The following PIEZO2 variants were observed in gnomAD, a reference collection of about 807,000 sequenced individuals.
PIEZO2 encodes the protein piezo-type mechanosensitive ion channel component 2.
Under a neutral mutation model 337.3 loss-of-function variants are expected in PIEZO2, and 172 were observed. The ratio of observed to expected loss-of-function variants is 0.51; its 90% CI spans 0.45 to 0.58. PIEZO2 has a LOEUF of 0.58. PIEZO2 is among the 20% of genes least tolerant of loss of function. The probability of loss-of-function intolerance (pLI) is 0.00; values close to 1 mark genes in which losing one functional copy is unlikely to be tolerated. For synonymous variants in PIEZO2, 1,251 were observed against 1,228.5 expected (o/e 1.02, Z -0.38); for missense variants, 3,028 against 3,391.3 (o/e 0.89, Z 2.66).
rs1390059894 is a variant in PIEZO2, at chr18:11,109,442, G to A, written c.64+39083C>T. Among the ~76,000 whole-genome samples, 1 of 152,172 alleles carries A rather than the reference G, an allele frequency of 6.6e-6. No individual in the cohort carries two copies. Among genetic ancestry groups the A allele is most frequent in the Non-Finnish European group, 1.5e-5 (1 of 68,040 alleles). The stretch of plus-strand genomic sequence containing the variant: ...GTATGGAATTAGAAATAGGCCAGGC[G>A]CGGTGGCTCATGTCTGTAATCCCAG... On this transcript the variant is annotated intron_variant, in intron 1 of 55. Coordinates refer to ENST00000674853, the MANE Select transcript of PIEZO2 (RefSeq NM_001378183.1). This position sits in a 1 kb window ranked among gnomAD's most constrained non-coding sequence, Gnocchi z 5.1.
chr18:10,889,346 T>A (rs1000853009), intron 4 of PIEZO2, among the ~76,000 whole-genome samples: 4 of 152,260 alleles, frequency 2.6e-5, no homozygotes, highest in African/African-American at 9.6e-5. Flanking sequence ...AGTGTTCTTG[T>A]TAAGCTACCT....
chr18:10,776,432 T>C (rs1219495549), intron 18 of PIEZO2, among the ~76,000 whole-genome samples: 1 of 152,226 alleles, frequency 6.6e-6, no homozygotes, highest in Non-Finnish European at 1.5e-5. Flanking sequence ...AAATTCATTG[T>C]AAAGAAAAAG....
At chr18:11,024,200 C>G (rs9961099) in intron 2 of PIEZO2, among the ~76,000 whole-genome samples, 1 of 152,016 alleles carries the variant, frequency 6.6e-6, no homozygotes, top group South Asian at 2.1e-4. Context: ...CCTCTCACTA[C>G]GATAGTGCAA....
chr18:10,718,520 A>G (rs1039401905), intron 36 of PIEZO2, among the ~76,000 whole-genome samples: 1 of 152,226 alleles, frequency 6.6e-6, no homozygotes, highest in Admixed American at 6.5e-5. Context: ...ACTGTTGCCA[A>G]ATGGCCTGTG....
intron 7 of PIEZO2, among the ~76,000 whole-genome samples, chr18:10,822,342 T>C (rs2040543043): frequency 6.8e-6 from 1 of 146,784 alleles, no homozygotes; most frequent in Non-Finnish European, 1.5e-5. Flanking sequence ...AATAAATAGC[T>C]GAAACTTTTC....
chr18:10,972,012 G>T (rs1388844307), intron 3 of PIEZO2, among the ~76,000 whole-genome samples: 1 of 152,024 alleles, frequency 6.6e-6, no homozygotes, highest in Non-Finnish European at 1.5e-5. Context: ...AACAATGGCA[G>T]CTGGGTGCGG....
At chr18:10,826,464 C>T (rs1203431829) in intron 7 of PIEZO2, among the ~76,000 whole-genome samples, 1 of 152,176 alleles carries the variant, frequency 6.6e-6, no homozygotes, top group Non-Finnish European at 1.5e-5. Flanking sequence ...TTTAATCACT[C>T]TATACATGTA....
rs2038704091 is a variant in PIEZO2 at position 11,080,619 on chromosome 18, G to A, written c.65-14397C>T. 6.6e-6 allele frequency among the ~76,000 whole-genome samples: 1 copy of A among 152,256 alleles called. No homozygotes were observed. Among genetic ancestry groups the A allele is most frequent in the Admixed American group, 6.5e-5 (1 of 15,292 alleles). On this transcript the variant is annotated intron_variant, in intron 1 of 55. Coordinates refer to ENST00000674853, the MANE Select transcript of PIEZO2 (RefSeq NM_001378183.1). The surrounding 1 kb of genome is among the most constrained non-coding windows in gnomAD (Gnocchi z 5.4). ...CCAGCACTTTGGGAGACCGAGGCGG[G>A]CAGATCATGAGGTCAGGAGATCAAG...
chr18:10,742,500 C>T lies in PIEZO2; in HGVS notation c.4630G>A (p.Asp1544Asn), dbSNP rs1362968045. The T allele has an allele frequency of 1.3e-6, 2 of 1,537,050 alleles. No individual in the cohort carries two copies. Among genetic ancestry groups the T allele is most frequent in the African/African-American group, 1.4e-5 (1 of 73,032 alleles). Residue 1544 changes from aspartate to asparagine, a missense_variant, in exon 32 of 56, where the codon GAT becomes AAT. Asp to Asn is a conservative substitution (Grantham distance 23). This residue lies in a region of PIEZO2 where 1,925 missense variants were observed against 2,051.9 expected (regional missense o/e 0.94). Coordinates refer to ENST00000674853, the MANE Select transcript of PIEZO2 (RefSeq NM_001378183.1). ...GGAAAATGTCTTGACATACTTTCAT[C>T]ATCCTCTTCAGAGAGTTTTTGCATG... The part of the protein sequence containing the change: ...QDMQKLSEED[D>N]EREADKQKAK...
At chr18:10,721,282 A>G (rs2036299883) in intron 36 of PIEZO2, among the ~76,000 whole-genome samples, 1 of 152,226 alleles carries the variant, frequency 6.6e-6, no homozygotes, top group African/African-American at 2.4e-5. Context: ...TTACTACAGT[A>G]TACATAAGGC....
At position 10,819,463 on chromosome 18, in the gene PIEZO2, C is replaced by T. The variant is rs2040458386; in HGVS notation, c.918-12189G>A. On this transcript the variant is annotated intron_variant, in intron 7 of 55. Coordinates refer to ENST00000674853, the MANE Select transcript of PIEZO2 (RefSeq NM_001378183.1). The surrounding 1 kb of genome is among the most constrained non-coding windows in gnomAD (Gnocchi z 4.3). ...AAGATATAAGCATACCAATGTATTC[C>T]AAAGACTCAGCTATGAAGGATGTGA... Among the ~76,000 whole-genome samples the T allele has an allele frequency of 6.6e-6, 1 of 152,052 alleles. No individual in the cohort carries two copies. Among genetic ancestry groups the T allele is most frequent in the African/African-American group, 2.4e-5 (1 of 41,414 alleles).
At chr18:10,769,940 G>C (rs780479711) in intron 21 of PIEZO2, 17 of 515,088 alleles carry the variant, frequency 3.3e-5, no homozygotes, top group Non-Finnish European at 4.6e-5. Flanking sequence ...ATATGACCAA[G>C]CCAACGAGAA....
In PIEZO2 at chr18:10,807,103, T is replaced by A. The variant is rs1380330050; in HGVS notation, c.1080+9A>T. On this transcript the variant is annotated intron_variant, in intron 8 of 55. Transcript: ENST00000674853. ...GCAGACAAGATCATGAAAATGTTTT[T>A]GTCCTTACAAGGGGCTCTTGCAGCC... 6.5e-7 allele frequency: 1 copy of A among 1,530,956 alleles called. No homozygotes were observed. Among genetic ancestry groups the A allele is most frequent in the East Asian group, 2.5e-5 (1 of 40,808 alleles). The allele number at this position is 1,530,956 out of a possible 1,614,324, so 94.8% of individuals were successfully genotyped here.
intron 24 of PIEZO2, 72 bp downstream of exon 24, chr18:10,760,839 C>T (rs969785615): frequency 1.2e-5 from 15 of 1,283,890 alleles, no homozygotes; most frequent in Admixed American, 8.5e-5. Context: ...GTTCCAGTGG[C>T]CAATTGGCCA....
chr18:10,691,505 A>G, intron 47 of PIEZO2, 122 bp from the exon 48 acceptor site: 1 of 1,013,606 alleles, frequency 9.9e-7, no homozygotes, highest in Non-Finnish European at 1.4e-6. Flanking sequence ...ACTCAATTCT[A>G]ATGAACTGTC....
chr18:10,726,319 G>A lies in PIEZO2; in HGVS notation c.5029+5088C>T, dbSNP rs910177797. 6.8e-6 allele frequency: 9 copies of A among 1,322,460 alleles called. No individual in the cohort carries two copies. The Admixed American group carries it at 8.5e-5, about 12-fold the overall frequency. 81.9% of individuals were successfully genotyped at this position (1,322,460 alleles called of 1,614,324 possible). A position where few individuals can be genotyped will look rare whatever the true frequency, so the allele number is the denominator to read the frequency against. On this transcript the variant is annotated intron_variant, in intron 36 of 55. Coordinates refer to ENST00000674853, the MANE Select transcript of PIEZO2 (RefSeq NM_001378183.1). The surrounding 1 kb of genome is among the most constrained non-coding windows in gnomAD (Gnocchi z 5.9). ...AGCCCCGGCCAGGTGGAGCAGGTGG[G>A]TCCCCGAACGCCCCGCCCAGCGCTG... is the stretch of plus-strand genomic sequence containing the variant.
In PIEZO2 at chr18:10,859,070, C is replaced by T. The variant is rs1170446563; in HGVS notation, c.493-1859G>A. On this transcript the variant is annotated intron_variant, in intron 5 of 55. Coordinates refer to ENST00000674853, the MANE Select transcript of PIEZO2 (RefSeq NM_001378183.1). The surrounding 1 kb of genome is among the most constrained non-coding windows in gnomAD (Gnocchi z 4.9). ...TAATGAATGCCCCCTTCAGGGAGGTCGAATAGGGTGATGTGGTAGTGATAA... is the reference window on the plus strand; with the variant it reads ...TAATGAATGCCCCCTTCAGGGAGGTTGAATAGGGTGATGTGGTAGTGATAA... 6.6e-6 allele frequency among the ~76,000 whole-genome samples: 1 copy of T among 152,006 alleles called. No individual in the cohort carries two copies. The highest frequency in any genetic ancestry group is 2.4e-5 in the African/African-American group (1 of 41,386).
chr18:10,721,523 G>A (rs114861500), intron 36 of PIEZO2, among the ~76,000 whole-genome samples: 6,957 of 152,056 alleles, frequency 0.046, 521 homozygotes, highest in African/African-American at 0.16. Flanking sequence ...ACAAATTTTT[G>A]TTCTGATCCA....
At chr18:11,085,858 G>A (rs575579968) in intron 1 of PIEZO2, among the ~76,000 whole-genome samples, 22 of 150,314 alleles carry the variant, frequency 1.5e-4, no homozygotes, top group South Asian at 6.3e-4. Context: ...AAAAAAAAAC[G>A]GAGAGAGTGG....
Sources: gnomAD v4.1 joint callset for allele counts (sites outside exome capture counted in the v4.1 genomes callset) on GRCh38, gnomAD v4.1.1 for gene constraint, gnomAD v4.1.1 regional missense constraint, Gnocchi (gnomAD v3.1) non-coding constraint, MANE v1.5 for transcripts, NCBI Gene and HGNC (gene_info 2026-07-23, HGNC 2026-07-21) for gene names.